The following ACOT7 variants were observed in gnomAD, a reference collection of about 807,000 sequenced individuals.
The protein encoded by ACOT7 is acyl-CoA thioesterase 7, also known as cytosolic acyl coenzyme A thioester hydrolase.
In ACOT7, 12 loss-of-function variants were observed where a neutral mutation model predicts 40.2. The observed-to-expected ratio is 0.30, with a 90% CI of 0.19 to 0.48. ACOT7 has a LOEUF of 0.48. Ranked by LOEUF, ACOT7 falls within the 20% of genes least tolerant of loss-of-function variation. The pLI is 0.99. For missense variants in ACOT7, 395 were observed against 530.8 expected, an observed-to-expected ratio of 0.74 and a Z score of 2.51; for synonymous variants, 228 against 219.5, an observed-to-expected ratio of 1.04 and a Z score of -0.34.
intron 7 of ACOT7, among the ~76,000 whole-genome samples, chr1:6,284,884 T>C (rs1350684418): frequency 6.6e-6 from 1 of 152,036 alleles, no homozygotes; most frequent in Non-Finnish European, 1.5e-5. Flanking sequence ...AGAAAAGCCC[T>C]CCTCTTACAG....
intron 6 of ACOT7, among the ~76,000 whole-genome samples, chr1:6,307,780 C>A (rs1571293590): frequency 6.6e-6 from 1 of 151,794 alleles, no homozygotes; most frequent in Non-Finnish European, 1.5e-5. Flanking sequence ...GCAGAGGGAA[C>A]CGCAGCAGGC....
chr1:6,351,925 G>A (rs564639294), intron 1 of ACOT7, among the ~76,000 whole-genome samples: 2 of 152,324 alleles, frequency 1.3e-5, no homozygotes, highest in South Asian at 4.1e-4. Context: ...CTGAGGCCCC[G>A]AGGAAGAGCC....
rs148844416 is a variant in ACOT7, at chr1:6,339,449, G to A, written c.402C>T (p.Ser134=). 49 of 1,613,320 alleles carry A rather than the reference G, an allele frequency of 3.0e-5. 1 individual carries two copies. Among genetic ancestry groups the A allele is most frequent in the South Asian group, 2.1e-4 (19 of 91,034 alleles). Residue 134 remains serine, a synonymous_variant, in exon 3 of 9, where the codon TCC becomes TCT. Transcript: ENST00000361521. The part of the protein sequence containing the change: ...HSVEVQVNVM[S]ENILTGAKKL... ...CAGAAGTACCTGTGAGGATGTTTTC[G>A]GACATCACGTTGACCTGCACCTCCA...
intron 6 of ACOT7, among the ~76,000 whole-genome samples, chr1:6,308,807 G>C (rs1385424019): frequency 2.6e-5 from 4 of 152,040 alleles, no homozygotes; most frequent in Non-Finnish European, 4.4e-5. Flanking sequence ...AAGCGACTGG[G>C]CGGAGGGAAA....
At chr1:6,314,156 T>C (rs1019185450) in intron 6 of ACOT7, among the ~76,000 whole-genome samples, 6 of 152,084 alleles carry the variant, frequency 3.9e-5, no homozygotes, top group Non-Finnish European at 5.9e-5. Flanking sequence ...AGAACAACCA[T>C]TGGCTTTCGT....
In ACOT7 at chr1:6,311,914, C is replaced by T. The variant is rs765899276; in HGVS notation, c.712+6578G>A. ...TCACCCCGACTCCCAGGGTCTGGGT[C>T]ACCTGTCGGGTGGGGTCTGGGTGTC... On this transcript the variant is annotated intron_variant, in intron 6 of 8. Coordinates refer to ENST00000361521, the MANE Select transcript of ACOT7 (RefSeq NM_007274.4). This position sits in a 1 kb window ranked among gnomAD's most constrained non-coding sequence, Gnocchi z 5.2. Among the ~76,000 whole-genome samples, 1 of 152,190 alleles carries T rather than the reference C, an allele frequency of 6.6e-6. No homozygotes were observed. The highest frequency in any genetic ancestry group is 1.5e-5 in the Non-Finnish European group (1 of 68,024).
chr1:6,272,097 C>T (rs1639053100), intron 8 of ACOT7, among the ~76,000 whole-genome samples: 1 of 152,246 alleles, frequency 6.6e-6, no homozygotes, highest in Non-Finnish European at 1.5e-5. Flanking sequence ...GTGGGCTAGG[C>T]CTGGGCCAGA....
rs1172533269 is a variant in ACOT7 at position 6,274,921 on chromosome 1, G to A, written c.1014+6181C>T. On this transcript the variant is annotated intron_variant, in intron 8 of 8. Coordinates refer to ENST00000361521, the MANE Select transcript of ACOT7 (RefSeq NM_007274.4). This position sits in a 1 kb window ranked among gnomAD's most constrained non-coding sequence, Gnocchi z 5.9. ...GGGCTCCTCCCAGGACCCCACAGTA[G>A]GGCCTGGCTGGGAGAAAGCACAGTG... Among the ~76,000 whole-genome samples the A allele has an allele frequency of 6.6e-6, 1 of 152,210 alleles. No individual in the cohort carries two copies. Among genetic ancestry groups the A allele is most frequent in the Non-Finnish European group, 1.5e-5 (1 of 68,024 alleles).
rs1639568250 is a variant in ACOT7, at chr1:6,288,429, A to C, written c.829+6435T>G. Reference sequence around the variant, plus strand: ...GGTGCTTGGCCGGGCTAGTTGGCGCAAAGGTGTAAGGGGACAGCTATGACA... The same window carrying C: ...GGTGCTTGGCCGGGCTAGTTGGCGCCAAGGTGTAAGGGGACAGCTATGACA... On this transcript the variant is annotated intron_variant, in intron 7 of 8. Coordinates refer to ENST00000361521, the MANE Select transcript of ACOT7 (RefSeq NM_007274.4). This position sits in a 1 kb window ranked among gnomAD's most constrained non-coding sequence, Gnocchi z 4.3. 6.6e-6 allele frequency among the ~76,000 whole-genome samples: 1 copy of C among 152,210 alleles called. No individual in the cohort carries two copies. The highest frequency in any genetic ancestry group is 6.5e-5 in the Admixed American group (1 of 15,286).
intron 5 of ACOT7, among the ~76,000 whole-genome samples, chr1:6,319,067 G>A (rs1047125093): frequency 6.6e-6 from 1 of 152,062 alleles, no homozygotes; most frequent in African/African-American, 2.4e-5. Context: ...CCTCACTCTT[G>A]CAAGAGCCCC....
intron 8 of ACOT7, 56 bp from the exon 9 acceptor site, chr1:6,264,751 G>T: frequency 6.3e-7 from 1 of 1,576,946 alleles, no homozygotes; most frequent in East Asian, 2.3e-5. Context: ...CCAGTGCCGT[G>T]GCCTTGTGAC....
At chr1:6,309,659 A>C (rs1204820588) in intron 6 of ACOT7, among the ~76,000 whole-genome samples, 1 of 152,126 alleles carries the variant, frequency 6.6e-6, no homozygotes, top group Non-Finnish European at 1.5e-5. Context: ...TATTTGCAGG[A>C]GTGTTCCATT....
In ACOT7 at chr1:6,264,605, G is replaced by T. The variant is rs201437597; in HGVS notation, c.1105C>A (p.Gln369Lys). Reference protein sequence around the residue: ...KAKRQGHAEPQP With the variant: ...KAKRQGHAEPKP ...TGGCAGGAGGAGGGAGTCTAGGGCT[G>T]AGGCTCCGCGTGGCCCTGTCGCTTC... Residue 369 changes from glutamine (Q) to lysine (K), a missense_variant, in exon 9 of 9, where the codon CAG becomes AAG. Physicochemically the swap from Gln to Lys is moderately conservative, Grantham distance 53. Coordinates refer to ENST00000361521, the MANE Select transcript of ACOT7 (RefSeq NM_007274.4). 8.9e-5 allele frequency: 144 copies of T among 1,612,150 alleles called. No individual in the cohort carries two copies. In the East Asian group the frequency reaches 3.2e-3, roughly 36 times the overall value.
chr1:6,337,740 C>T (rs539984011), intron 3 of ACOT7, among the ~76,000 whole-genome samples: 20 of 152,114 alleles, frequency 1.3e-4, no homozygotes, highest in African/African-American at 2.7e-4. Flanking sequence ...TTTGGGAGGC[C>T]GAGGCAGCTG....
chr1:6,299,641 A>C lies in ACOT7; in HGVS notation c.713-4661T>G, dbSNP rs1639910100. Among the ~76,000 whole-genome samples the C allele has an allele frequency of 1.1e-5, 1 of 87,580 alleles. No homozygotes were observed. Among genetic ancestry groups the C allele is most frequent in the Non-Finnish European group, 1.9e-5 (1 of 53,090 alleles). 57.5% of individuals were successfully genotyped at this position (87,580 alleles called of 152,430 possible). A position where few individuals can be genotyped will look rare whatever the true frequency, so the allele number is the denominator to read the frequency against. ...TGACTAGGTACTAGGTCATGGCTTC[A>C]GAGAGAGAGAGAGAGAGAGCGCAAG... is the stretch of plus-strand genomic sequence containing the variant. On this transcript the variant is annotated intron_variant, in intron 6 of 8. Transcript: ENST00000361521. The surrounding 1 kb of genome is among the most constrained non-coding windows in gnomAD (Gnocchi z 4.1).
chr1:6,267,484 CCTGT>C (rs1054333289), intron 8 of ACOT7, among the ~76,000 whole-genome samples: 11 of 152,206 alleles, frequency 7.2e-5, no homozygotes, highest in Admixed American at 1.3e-4. Flanking sequence ...TGCCTGCCTG[CCTGT>C]CTGTGTCTGC....
chr1:6,279,731 C>T (rs1053099263), intron 8 of ACOT7, among the ~76,000 whole-genome samples: 5 of 152,154 alleles, frequency 3.3e-5, no homozygotes, highest in African/African-American at 9.7e-5. Context: ...GAGTTGGCAG[C>T]GGAGGGTACT....
chr1:6,385,235 C>T (rs2148482516), intron 1 of ACOT7, among the ~76,000 whole-genome samples: 1 of 152,030 alleles, frequency 6.6e-6, no homozygotes, highest in East Asian at 1.9e-4. Flanking sequence ...CAGATTCCCA[C>T]AGCCCAGGGT....
At chr1:6,317,548 G>A (rs565017631) in intron 6 of ACOT7, among the ~76,000 whole-genome samples, 33 of 152,168 alleles carry the variant, frequency 2.2e-4, no homozygotes, top group Admixed American at 1.8e-3. Context: ...AGTCACTGCC[G>A]GTGAGTCACG....
Sources: gnomAD v4.1 joint callset for allele counts (sites outside exome capture counted in the v4.1 genomes callset) on GRCh38, gnomAD v4.1.1 for gene constraint, Gnocchi (gnomAD v3.1) non-coding constraint, MANE v1.5 for transcripts, NCBI Gene and HGNC (gene_info 2026-07-23, HGNC 2026-07-21) for gene names.